RYR3: variants seen among roughly 807,000 people sequenced by gnomAD.
The protein encoded by RYR3 is brain ryanodine receptor-calcium release channel.
In RYR3, 207 loss-of-function variants were observed where a neutral mutation model predicts 584.3. The observed-to-expected ratio is 0.35, with a 90% CI of 0.32 to 0.40. The LOEUF is 0.40. Ranked by LOEUF, RYR3 falls within the 10% of genes least tolerant of loss-of-function variation. The probability of loss-of-function intolerance (pLI) is 1.00; values close to 1 mark genes in which losing one functional copy is unlikely to be tolerated. For synonymous variants in RYR3, 2,416 were observed against 2,248.5 expected, an observed-to-expected ratio of 1.07 and a Z score of -2.11; for missense variants, 5,616 against 6,089.2, an observed-to-expected ratio of 0.92 and a Z score of 2.59.
At position 33,726,812 on chromosome 15, in the gene RYR3, C is replaced by G. The variant is rs148622385; in HGVS notation, c.7033+306C>G. Among the ~76,000 whole-genome samples, 328 of 152,362 alleles carry G rather than the reference C, an allele frequency of 2.2e-3. 2 individuals carry two copies. The highest frequency in any genetic ancestry group is 0.021 in the Middle Eastern group (6 of 292). On this transcript the variant is annotated intron_variant, in intron 46 of 103. Coordinates refer to ENST00000634891, the MANE Select transcript of RYR3 (RefSeq NM_001036.6). ...AAGCCACCAATGTAATGTCACTGAA[C>G]ACAGAGTTGGGAAGAAAATGGACAT...
intron 21 of RYR3, among the ~76,000 whole-genome samples, chr15:33,629,009 G>C (rs1177753596): frequency 6.6e-6 from 1 of 152,174 alleles, no homozygotes; most frequent in African/African-American, 2.4e-5. Context: ...TTTGTGTAAG[G>C]TCATGTCTGA....
chr15:33,468,142 G>T (rs375699328), intron 1 of RYR3, among the ~76,000 whole-genome samples: 66 of 152,302 alleles, frequency 4.3e-4, no homozygotes, highest in African/African-American at 1.5e-3. Flanking sequence ...CTGGGCAAGT[G>T]ACTTAACCTT....
At chr15:33,670,088 C>T (rs907748286) in intron 37 of RYR3, among the ~76,000 whole-genome samples, 17 of 152,122 alleles carry the variant, frequency 1.1e-4, no homozygotes, top group African/African-American at 4.1e-4. Context: ...GATTCTAGGG[C>T]CACGTCCCCC....
intron 1 of RYR3, among the ~76,000 whole-genome samples, chr15:33,325,078 A>G (rs1004837294): frequency 1.3e-5 from 2 of 152,184 alleles, no homozygotes; most frequent in Non-Finnish European, 2.9e-5. Flanking sequence ...TCTGCTCTAC[A>G]TATTATTGAT....
Position 33,859,400 on chromosome 15 carries a change from G to C in RYR3, c.14143-175G>C, listed in dbSNP as rs116868254. Among the ~76,000 whole-genome samples the C allele has an allele frequency of 3.8e-3, 578 of 152,266 alleles. 3 individuals are homozygous for C. Among genetic ancestry groups the C allele is most frequent in the Non-Finnish European group, 6.9e-3 (466 of 68,026 alleles). On this transcript the variant is annotated intron_variant, in intron 99 of 103. Coordinates refer to ENST00000634891, the MANE Select transcript of RYR3 (RefSeq NM_001036.6). The stretch of plus-strand genomic sequence containing the variant: ...TTTCCATCTTTGTAGATATCAAACT[G>C]TCCAGAGGGTGCAGTGGACAGCAGC...
intron 71 of RYR3, 78 bp from the exon 72 acceptor site, chr15:33,810,900 C>T (rs2076496420): frequency 7.9e-7 from 1 of 1,260,054 alleles, no homozygotes; most frequent in Non-Finnish European, 1.1e-6. Flanking sequence ...TGTGCGTTGA[C>T]TCTCCATACA....
chr15:33,864,082 G>GGGAATGAA, intron 102 of RYR3, 56 bp from the exon 103 acceptor site: 1 of 1,303,520 alleles, frequency 7.7e-7, no homozygotes, highest in Non-Finnish European at 1.1e-6. Context: ...GTTAATCCAT[G>GGGAATGAA]CGAATGAACT....
At chr15:33,589,250 G>A (rs970791834) in intron 16 of RYR3, among the ~76,000 whole-genome samples, 2 of 152,104 alleles carry the variant, frequency 1.3e-5, no homozygotes, top group African/African-American at 2.4e-5. Flanking sequence ...TTGGCCATTC[G>A]TGTGTCTTCG....
chr15:33,385,302 C>T (rs963223134), intron 1 of RYR3, among the ~76,000 whole-genome samples: 3 of 151,826 alleles, frequency 2.0e-5, no homozygotes, highest in Admixed American at 1.3e-4. Context: ...TTTTTTTTTC[C>T]CCTTGTAGAA....
chr15:33,560,249 G>A (rs1475736789), intron 10 of RYR3, among the ~76,000 whole-genome samples: 3 of 152,062 alleles, frequency 2.0e-5, no homozygotes, highest in Non-Finnish European at 4.4e-5. Flanking sequence ...GGTTGCATTG[G>A]GTTGTTTTTC....
chr15:33,524,648 A>G (rs2054261735), intron 3 of RYR3, among the ~76,000 whole-genome samples: 1 of 152,226 alleles, frequency 6.6e-6, no homozygotes, highest in Admixed American at 6.5e-5. Context: ...CTCATCAGCT[A>G]AATTGCAACT....
intron 1 of RYR3, among the ~76,000 whole-genome samples, chr15:33,429,506 C>T (rs140656570): frequency 2.0e-3 from 302 of 152,256 alleles, no homozygotes; most frequent in Non-Finnish European, 3.4e-3. Flanking sequence ...CGCTGATGAT[C>T]GGATTTGCAC....
intron 1 of RYR3, among the ~76,000 whole-genome samples, chr15:33,338,234 C>G (rs1053330804): frequency 6.6e-6 from 1 of 152,068 alleles, no homozygotes; most frequent in Non-Finnish European, 1.5e-5. Context: ...CGTGAGCCAC[C>G]GCACCCGGCC....
chr15:33,587,724 A>T (rs2058926627), intron 16 of RYR3, among the ~76,000 whole-genome samples: 1 of 152,128 alleles, frequency 6.6e-6, no homozygotes, highest in Admixed American at 6.5e-5. Flanking sequence ...CCATCTTTGG[A>T]TAGATTTTTG....
chr15:33,357,948 C>T (rs1254671965), intron 1 of RYR3, among the ~76,000 whole-genome samples: 2 of 152,204 alleles, frequency 1.3e-5, no homozygotes, highest in Admixed American at 6.5e-5. Flanking sequence ...CAAACTCTTA[C>T]AGCAGTGTAG....
chr15:33,655,015 G>C (rs2062741436), intron 32 of RYR3, among the ~76,000 whole-genome samples: 1 of 152,192 alleles, frequency 6.6e-6, no homozygotes, highest in Non-Finnish European at 1.5e-5. Flanking sequence ...GCGGGGAGCA[G>C]CCTGTTGGCA....
At chr15:33,536,797 T>G (rs2055370165) in intron 5 of RYR3, among the ~76,000 whole-genome samples, 1 of 152,228 alleles carries the variant, frequency 6.6e-6, no homozygotes. Context: ...TCTCCTGCCC[T>G]CCCTCCTTTG....
At chr15:33,841,776 A>C (rs938904957) in intron 90 of RYR3, 88 bp from the exon 91 acceptor site, 2 of 1,364,738 alleles carry the variant, frequency 1.5e-6, no homozygotes, top group Admixed American at 5.1e-5. Flanking sequence ...CGGCCCTCTC[A>C]ATCCAGATTT....
chr15:33,752,229 A>G (rs2071387092), intron 57 of RYR3, among the ~76,000 whole-genome samples: 1 of 152,184 alleles, frequency 6.6e-6, no homozygotes, highest in Non-Finnish European at 1.5e-5. Context: ...TTTTTGTTCC[A>G]TATGAAATTT....
Sources: allele counts gnomAD v4.1 joint callset (sites outside exome capture counted in the v4.1 genomes callset), GRCh38; gene constraint gnomAD v4.1.1; transcripts MANE v1.5; gene names NCBI Gene and HGNC (gene_info 2026-07-23, HGNC 2026-07-21).